Variants in COL14A1 observed in about 807,000 individuals in gnomAD.
COL14A1 encodes collagen type XIV alpha 1 chain.
A neutral mutation model predicts 230.3 loss-of-function variants in COL14A1; 136 were observed. That is an observed-to-expected ratio of 0.59 (90% CI 0.51 to 0.68). The LOEUF is 0.68. Among genes scored for constraint, COL14A1 ranks in the 30% least tolerant of loss-of-function variants. The probability of loss-of-function intolerance (pLI) is 0.00; values close to 1 mark genes in which losing one functional copy is unlikely to be tolerated. For missense variants in COL14A1, 1,976 were observed against 2,215.8 expected, an observed-to-expected ratio of 0.89 and a Z score of 2.17; for synonymous variants, 792 against 784.1, an observed-to-expected ratio of 1.01 and a Z score of -0.17.
In COL14A1 at chr8:120,250,784, TG is replaced by T. The variant is rs1406333133; in HGVS notation, c.2752+20del. 6.2e-7 allele frequency: 1 copy of T among 1,613,396 alleles called. No homozygotes were observed. Among genetic ancestry groups the T allele is most frequent in the Non-Finnish European group, 8.5e-7 (1 of 1,179,906 alleles). ...GAAAACATGTAAGAGCCATTTCCGA[TG>T]GCCTCAGCCGCATATGGGTTTTTGT... On this transcript the variant is annotated intron_variant, in intron 22 of 47. Coordinates refer to ENST00000297848, the MANE Select transcript of COL14A1 (RefSeq NM_021110.4).
intron 42 of COL14A1, among the ~76,000 whole-genome samples, chr8:120,335,799 G>A (rs918943737): frequency 6.6e-5 from 10 of 152,288 alleles, no homozygotes; most frequent in East Asian, 5.8e-4. Context: ...GCTTAGGTAC[G>A]GTTCCTCCAC....
chr8:120,214,158 TGA>T (rs1189556896), intron 13 of COL14A1: 2 of 175,404 alleles, frequency 1.1e-5, no homozygotes, highest in Non-Finnish European at 2.5e-5. Flanking sequence ...AGAGAAACAG[TGA>T]GAGAGGAGAA....
intron 38 of COL14A1, among the ~76,000 whole-genome samples, 164 bp from the exon 39 acceptor site, chr8:120,315,369 T>TTA (rs1307696592): frequency 6.3e-5 from 7 of 111,852 alleles, no homozygotes; most frequent in African/African-American, 2.1e-4. Context: ...AGACTCCATT[T>TTA]AAAAAAAAAA....
intron 5 of COL14A1, among the ~76,000 whole-genome samples, chr8:120,184,140 AATT>A (rs1264205665): frequency 1.3e-5 from 2 of 152,096 alleles, no homozygotes; most frequent in Non-Finnish European, 2.9e-5. Context: ...GGCTTTTCAT[AATT>A]ATTAATATAA....
At position 120,272,011 on chromosome 8, in the gene COL14A1, C is replaced by G. The variant is rs1181866033; in HGVS notation, c.3213+1837C>G. Among the ~76,000 whole-genome samples, 7 of 151,550 alleles carry G rather than the reference C, an allele frequency of 4.6e-5. No individual in the cohort carries two copies. In the East Asian group the frequency reaches 1.4e-3, roughly 30 times the overall value. ...ACTAGGGTGGTAGCAATGAGGTACA[C>G]TGAAACAAATGGATTTGGAATATAT... is the stretch of plus-strand genomic sequence containing the variant. On this transcript the variant is annotated intron_variant, in intron 26 of 47. Transcript: ENST00000297848.
At position 120,283,923 on chromosome 8, in the gene COL14A1, T is replaced by A. The variant is rs139894030; in HGVS notation, c.3967+145T>A. The A allele has an allele frequency of 2.4e-3, 1,394 of 580,832 alleles. 20 individuals are homozygous for A. The highest frequency in any genetic ancestry group is 0.023 in the African/African-American group (1,216 of 51,814). 36.0% of individuals were successfully genotyped at this position (580,832 alleles called of 1,614,324 possible). Reference sequence around the variant, plus strand: ...TACTAAACAATGAATTATATAGCAGTTGGTTTATCCATTTATTCTCTTATT... The same window carrying A: ...TACTAAACAATGAATTATATAGCAGATGGTTTATCCATTTATTCTCTTATT... On this transcript the variant is annotated intron_variant, in intron 32 of 47. Transcript: ENST00000297848.
intron 14 of COL14A1, among the ~76,000 whole-genome samples, chr8:120,219,217 G>A (rs1817854991): frequency 6.6e-6 from 1 of 151,920 alleles, no homozygotes; most frequent in Admixed American, 6.6e-5. Flanking sequence ...TGCAGGCTCA[G>A]GTGATCCTCC....
In COL14A1 at chr8:120,263,033, C is replaced by G. The variant is rs767938703; in HGVS notation, c.3016+19C>G. On this transcript the variant is annotated intron_variant, in intron 24 of 47. Transcript: ENST00000297848. Reference sequence around the variant, plus strand: ...AAAACACGTAAGTCATGTGTGTTCTCTCCTGATCCCTCTCCCCATGAACAA... The same window carrying G: ...AAAACACGTAAGTCATGTGTGTTCTGTCCTGATCCCTCTCCCCATGAACAA... The G allele has an allele frequency of 3.8e-6, 6 of 1,568,428 alleles. No individual in the cohort carries two copies. The highest frequency in any genetic ancestry group is 5.2e-6 in the Non-Finnish European group (6 of 1,161,496).
intron 36 of COL14A1, among the ~76,000 whole-genome samples, chr8:120,303,047 G>A (rs995353618): frequency 1.3e-4 from 20 of 152,160 alleles, no homozygotes; most frequent in Non-Finnish European, 2.6e-4. Flanking sequence ...CTTGGCTGCT[G>A]TTGGTGTATA....
rs900653043 is a variant in COL14A1 at position 120,280,835 on chromosome 8, C to G, written c.3685+86C>G. 1.3e-5 allele frequency: 19 copies of G among 1,504,308 alleles called. No homozygotes were observed. In the Admixed American group the frequency reaches 4.0e-4, roughly 31 times the overall value. The allele number at this position is 1,504,308 out of a possible 1,614,324, so 93.2% of individuals were successfully genotyped here. On this transcript the variant is annotated intron_variant, in intron 30 of 47. Transcript: ENST00000297848. ...GGGGTTTCTGTTTTTGTTTTTAAAT[C>G]CTTAATAGAAAAATATTAAAATTTA...
In COL14A1 at chr8:120,285,887, A is replaced by G. The variant is rs1820182471; in HGVS notation, c.3994A>G (p.Asn1332Asp). Reference sequence around the variant, plus strand: ...TGGTGGGAAAACTCTAACATATTTCAACTATGACCAGAGTGGGGATTTTCA... The same window carrying G: ...TGGTGGGAAAACTCTAACATATTTCGACTATGACCAGAGTGGGGATTTTCA... ...DNGGKTLTYFNYDQSGDFQTV... is the reference protein window; with the variant it reads ...DNGGKTLTYFDYDQSGDFQTV... The change falls in exon 33 of 48, where the codon AAC (asparagine) becomes GAC (aspartate). Residue 1332 changes from asparagine to aspartate, a missense_variant. By Grantham distance (23) the Asn-to-Asp change is conservative. Coordinates refer to ENST00000297848, the MANE Select transcript of COL14A1 (RefSeq NM_021110.4). 1 of 1,606,360 alleles carries G rather than the reference A, an allele frequency of 6.2e-7. No homozygotes were observed. Among genetic ancestry groups the G allele is most frequent in the East Asian group, 2.2e-5 (1 of 44,802 alleles).
At chr8:120,168,122 T>G (rs991817713) in intron 4 of COL14A1, 39 bp from the exon 5 acceptor site, 2 of 1,359,654 alleles carry the variant, frequency 1.5e-6, no homozygotes, top group African/African-American at 1.5e-5. Flanking sequence ...CTTTTAGATT[T>G]TAGTATAACA....
intron 42 of COL14A1, among the ~76,000 whole-genome samples, chr8:120,338,820 A>T (rs551991436): frequency 2.0e-5 from 3 of 152,320 alleles, no homozygotes; most frequent in Admixed American, 1.3e-4. Context: ...AATATTTGAC[A>T]AACTGTTTCC....
chr8:120,253,650 G>A (rs964235708), intron 22 of COL14A1, among the ~76,000 whole-genome samples: 9 of 152,186 alleles, frequency 5.9e-5, no homozygotes, highest in African/African-American at 1.7e-4. Flanking sequence ...AGGGCCGGGT[G>A]CAGTGGCTCA....
chr8:120,308,818 T>A (rs1479192448), intron 36 of COL14A1, among the ~76,000 whole-genome samples: 1 of 152,222 alleles, frequency 6.6e-6, no homozygotes, highest in Admixed American at 6.5e-5. Flanking sequence ...GATTTTTCAA[T>A]CCTTCTGCTC....
chr8:120,341,472 C>A (rs1407608370), intron 43 of COL14A1, 112 bp downstream of exon 43: 2 of 1,153,206 alleles, frequency 1.7e-6, no homozygotes, highest in African/African-American at 1.6e-5. Flanking sequence ...GCAATTGTAC[C>A]AGTCTCTGTT....
chr8:120,342,232 A>G (rs1822323422), intron 43 of COL14A1, 148 bp from the exon 44 acceptor site: 4 of 672,512 alleles, frequency 5.9e-6, no homozygotes, highest in African/African-American at 1.8e-5. Flanking sequence ...CCTTCTCTGC[A>G]TGCACCGTGG....
chr8:120,332,045 G>C, intron 40 of COL14A1, 96 bp from the exon 41 acceptor site: 1 of 1,028,790 alleles, frequency 9.7e-7, no homozygotes, highest in South Asian at 1.3e-5. Context: ...CAAGCAGCAG[G>C]ACTTGACCCC....
At position 120,285,961 on chromosome 8, in the gene COL14A1, C is replaced by G; in HGVS notation, c.4068C>G (p.Ser1356Arg). Residue 1356 changes from serine (S) to arginine (R), a missense_variant, in exon 33 of 48, where the codon AGC becomes AGG. Ser to Arg is a moderately radical substitution (Grantham distance 110, BLOSUM62 -1). Transcript: ENST00000297848. ...GPEIRKIFYG[S>R]FHKLHIVVSE... ...AAATTAGGAAAATTTTTTATGGAAG[C>G]TTTCACAAGGTTAGTAATGCTTTGT... 1 of 1,562,630 alleles carries G rather than the reference C, an allele frequency of 6.4e-7. No homozygotes were observed. The highest frequency in any genetic ancestry group is 8.8e-7 in the Non-Finnish European group (1 of 1,133,728).
Sources: gnomAD v4.1 joint callset for allele counts (sites outside exome capture counted in the v4.1 genomes callset) on GRCh38, gnomAD v4.1.1 for gene constraint, MANE v1.5 for transcripts, NCBI Gene and HGNC (gene_info 2026-07-23, HGNC 2026-07-21) for gene names.